The following MEOX2 variants were observed in gnomAD, a reference collection of about 807,000 sequenced individuals.
MEOX2 encodes the protein homeobox protein MOX-2.
In MEOX2, 11 loss-of-function variants were observed where a neutral mutation model predicts 27.0. That is an observed-to-expected ratio of 0.41 (90% CI 0.26 to 0.68). MEOX2 has a LOEUF of 0.68. Among genes scored for constraint, MEOX2 ranks in the 30% least tolerant of loss-of-function variants. The pLI, the probability that MEOX2 is intolerant of heterozygous loss-of-function variation, is 0.33. For missense variants in MEOX2, 436 were observed against 385.4 expected, an observed-to-expected ratio of 1.13 and a Z score of -1.10; for synonymous variants, 189 against 155.4, an observed-to-expected ratio of 1.22 and a Z score of -1.61.
intron 1 of MEOX2, among the ~76,000 whole-genome samples, chr7:15,636,744 T>TA (rs1386624111): frequency 2.6e-5 from 4 of 152,184 alleles, no homozygotes; most frequent in African/African-American, 9.6e-5. Flanking sequence ...TAATTTATTT[T>TA]AAAAAACCAG....
intron 1 of MEOX2, among the ~76,000 whole-genome samples, chr7:15,667,513 T>G (rs902239641): frequency 6.6e-6 from 1 of 152,040 alleles, no homozygotes; most frequent in Non-Finnish European, 1.5e-5. Flanking sequence ...TTCGTCTTAG[T>G]GTACCCAAAG....
intron 2 of MEOX2, among the ~76,000 whole-genome samples, chr7:15,620,888 G>T (rs552628324): frequency 3.3e-5 from 5 of 152,110 alleles, no homozygotes; most frequent in Non-Finnish European, 7.4e-5. Flanking sequence ...CTGTGAAAAA[G>T]ATGTTTTGAA....
intron 1 of MEOX2, among the ~76,000 whole-genome samples, chr7:15,646,265 T>C (rs1315407335): frequency 1.3e-5 from 2 of 152,082 alleles, no homozygotes; most frequent in South Asian, 2.1e-4. Flanking sequence ...CCCCCATAAA[T>C]AAACATAAAT....
At chr7:15,639,829 T>C (rs1410667387) in intron 1 of MEOX2, among the ~76,000 whole-genome samples, 2 of 152,188 alleles carry the variant, frequency 1.3e-5, no homozygotes, top group Non-Finnish European at 2.9e-5. Context: ...TATGTGTCTA[T>C]TGTACCAGTA....
chr7:15,675,592 C>G (rs561776304), intron 1 of MEOX2, among the ~76,000 whole-genome samples: 27 of 152,372 alleles, frequency 1.8e-4, no homozygotes, highest in Middle Eastern at 3.4e-3. Flanking sequence ...CATTACTTAA[C>G]TTCTCTGGGC....
At chr7:15,633,111 A>C (rs996325952) in intron 1 of MEOX2, among the ~76,000 whole-genome samples, 1 of 151,934 alleles carries the variant, frequency 6.6e-6, no homozygotes, top group African/African-American at 2.4e-5. Flanking sequence ...ATGTCACTGT[A>C]CGGATGCTTT....
At chr7:15,646,547 AGTT>A (rs1376326994) in intron 1 of MEOX2, among the ~76,000 whole-genome samples, 1 of 152,026 alleles carries the variant, frequency 6.6e-6, no homozygotes, top group Non-Finnish European at 1.5e-5. Flanking sequence ...TGAAAATATT[AGTT>A]GTTTGATTAT....
intron 2 of MEOX2, among the ~76,000 whole-genome samples, chr7:15,623,041 A>T (rs1781244852): frequency 6.6e-6 from 1 of 152,218 alleles, no homozygotes; most frequent in Non-Finnish European, 1.5e-5. Context: ...TGAGAAATAA[A>T]TGTGTGTTGT....
intron 2 of MEOX2, among the ~76,000 whole-genome samples, chr7:15,614,051 TA>T (rs1781079512): frequency 1.8e-5 from 2 of 110,506 alleles, no homozygotes; most frequent in Non-Finnish European, 4.7e-5. Context: ...TAAATTTATC[TA>T]TTGTTTCTTT....
At chr7:15,655,344 T>A (rs1781800981) in intron 1 of MEOX2, among the ~76,000 whole-genome samples, 1 of 151,632 alleles carries the variant, frequency 6.6e-6, no homozygotes, top group African/African-American at 2.4e-5. Flanking sequence ...TTATTTCACT[T>A]ATTTTCTTTA....
At chr7:15,632,463 A>G (rs1247006712) in intron 1 of MEOX2, among the ~76,000 whole-genome samples, 1 of 151,864 alleles carries the variant, frequency 6.6e-6, no homozygotes. Flanking sequence ...GAATATGCCA[A>G]CCCAATGGTT....
At chr7:15,638,839 T>C (rs1781521422) in intron 1 of MEOX2, among the ~76,000 whole-genome samples, 1 of 152,172 alleles carries the variant, frequency 6.6e-6, no homozygotes, top group South Asian at 2.1e-4. Context: ...TCCATAATAT[T>C]CCATGGTGCA....
chr7:15,684,585 G>A (rs990428226), intron 1 of MEOX2, among the ~76,000 whole-genome samples: 2 of 152,134 alleles, frequency 1.3e-5, no homozygotes, highest in Non-Finnish European at 2.9e-5. Context: ...TGCTGTGAAT[G>A]GTGAAGGAAT....
Position 15,632,694 on chromosome 7 carries a change from TACCA to T in MEOX2, c.518-5780_518-5777del, listed in dbSNP as rs150958866. Among the ~76,000 whole-genome samples the T allele has an allele frequency of 1.9e-3, 292 of 152,082 alleles. 2 individuals are homozygous for T. The highest frequency in any genetic ancestry group is 0.01 in the Middle Eastern group (3 of 294). On this transcript the variant is annotated intron_variant, in intron 1 of 2. Coordinates refer to ENST00000262041, the MANE Select transcript of MEOX2 (RefSeq NM_005924.5). ...TTGACACAGATTTGATTCTTCTAAC[TACCA>T]ACTTCAAAGCACTTAACACAAAAAC... is the stretch of plus-strand genomic sequence containing the variant.
chr7:15,612,304 ATC>A lies in MEOX2; in HGVS notation c.*81_*82del. On this transcript the variant is annotated 3_prime_UTR_variant, in exon 3 of 3. Transcript: ENST00000262041. ...AATATTAAACATCACTGCCATAGTC[ATC>A]TCTCTGTGTAAACGATATTTGGGTA... 1 of 1,064,838 alleles carries A rather than the reference ATC, an allele frequency of 9.4e-7. No individual in the cohort carries two copies. The highest frequency in any genetic ancestry group is 1.5e-6 in the Non-Finnish European group (1 of 688,464). The allele number at this position is 1,064,838 out of a possible 1,614,324, so 66.0% of individuals were successfully genotyped here. A position where few individuals can be genotyped will look rare whatever the true frequency, so the allele number is the denominator to read the frequency against.
intron 1 of MEOX2, among the ~76,000 whole-genome samples, chr7:15,648,074 G>A (rs1449007576): frequency 6.6e-6 from 1 of 151,952 alleles, no homozygotes; most frequent in African/African-American, 2.4e-5. Flanking sequence ...TAGTCCCATA[G>A]CATGCAAATA....
chr7:15,612,451 C>T lies in MEOX2; in HGVS notation c.851G>A (p.Gly284Glu). 1 of 1,614,094 alleles carries T rather than the reference C, an allele frequency of 6.2e-7. No individual in the cohort carries two copies. Among genetic ancestry groups the T allele is most frequent in the Non-Finnish European group, 8.5e-7 (1 of 1,180,010 alleles). Residue 284 changes from glycine to glutamate, a missense_variant, in exon 3 of 3, where the codon GGG becomes GAG. Physicochemically the swap from Gly to Glu is moderately conservative, Grantham distance 98 (BLOSUM62 -2). Coordinates refer to ENST00000262041, the MANE Select transcript of MEOX2 (RefSeq NM_005924.5). ...GIGAATLQQTGDSIANEDSHD... is the reference protein window; with the variant it reads ...GIGAATLQQTEDSIANEDSHD... ...ACTGTCTTCATTTGCTATAGAGTCC[C>T]CTGTTTGCTGGAGGGTGGCTGCACC...
rs189114251 is a variant in MEOX2, at chr7:15,635,688, T to C, written c.518-8770A>G. ...TAGTTTTTTTAAAATGTAGGAAAAT[T>C]TTGTTTTTAAAATGGACCTCAATCT... is the stretch of plus-strand genomic sequence containing the variant. On this transcript the variant is annotated intron_variant, in intron 1 of 2. Coordinates refer to ENST00000262041, the MANE Select transcript of MEOX2 (RefSeq NM_005924.5). 3.3e-3 allele frequency among the ~76,000 whole-genome samples: 493 copies of C among 151,692 alleles called. 5 individuals are homozygous for C. Among genetic ancestry groups the C allele is most frequent in the Non-Finnish European group, 4.7e-3 (317 of 67,822 alleles).
chr7:15,614,618 A>C (rs972452746), intron 2 of MEOX2, among the ~76,000 whole-genome samples: 3 of 152,104 alleles, frequency 2.0e-5, no homozygotes, highest in Admixed American at 1.3e-4. Context: ...CCATATATGC[A>C]TAGCTTTATT....
Sources: gnomAD v4.1 joint callset for allele counts (sites outside exome capture counted in the v4.1 genomes callset) on GRCh38, gnomAD v4.1.1 for gene constraint, MANE v1.5 for transcripts, NCBI Gene and HGNC (gene_info 2026-07-23, HGNC 2026-07-21) for gene names.